The following LHFPL3 variants were observed in gnomAD, a reference collection of about 807,000 sequenced individuals.
LHFPL3 encodes LHFPL tetraspan subfamily member 3 protein.
LHFPL3 carries 5 observed loss-of-function variants against 19.3 expected under a neutral mutation model. That is an observed-to-expected ratio of 0.26 (90% CI 0.14 to 0.54). The LOEUF (loss-of-function observed/expected upper bound fraction) is 0.54, where lower values mean the gene tolerates loss of function less well. Ranked by LOEUF, LHFPL3 falls within the 20% of genes least tolerant of loss-of-function variation. The probability of loss-of-function intolerance (pLI) is 0.94; values close to 1 mark genes in which losing one functional copy is unlikely to be tolerated. For missense variants in LHFPL3, 249 were observed against 307.4 expected (o/e 0.81, Z 1.42); for synonymous variants, 133 against 126.2 (o/e 1.05, Z -0.36).
intron 1 of LHFPL3, among the ~76,000 whole-genome samples, chr7:104,591,559 A>C (rs1455710602): frequency 6.6e-6 from 1 of 151,984 alleles, no homozygotes; most frequent in African/African-American, 2.4e-5. Context: ...TTTTTCCTTC[A>C]TTTCAACTTT....
chr7:104,574,325 G>C (rs949765899), intron 1 of LHFPL3, among the ~76,000 whole-genome samples: 5 of 152,178 alleles, frequency 3.3e-5, no homozygotes, highest in African/African-American at 9.7e-5. Flanking sequence ...GAAGGGGGCA[G>C]GGACAGGGAC....
At chr7:104,520,826 A>G in intron 1 of LHFPL3, among the ~76,000 whole-genome samples, 1 of 143,248 alleles carries the variant, frequency 7.0e-6, no homozygotes, top group African/African-American at 2.6e-5. Context: ...CGTCTATTTG[A>G]TTCTTCTCTC....
intron 1 of LHFPL3, among the ~76,000 whole-genome samples, chr7:104,719,086 G>C (rs1386057528): frequency 1.3e-5 from 2 of 152,192 alleles, no homozygotes; most frequent in African/African-American, 4.8e-5. Flanking sequence ...AGCATGTTCA[G>C]TTGGTATTTA....
Position 104,539,091 on chromosome 7 carries a change from A to G in LHFPL3, c.446-197584A>G, listed in dbSNP as rs569409156. Among the ~76,000 whole-genome samples, 5 of 152,320 alleles carry G rather than the reference A, an allele frequency of 3.3e-5. No homozygotes were observed. The South Asian group carries it at 1.0e-3, about 32-fold the overall frequency. On this transcript the variant is annotated intron_variant, in intron 1 of 2. Coordinates refer to ENST00000424859, the MANE Select transcript of LHFPL3 (RefSeq NM_199000.3). ...TTTTCCCCTAGAGCCTCCAAAAAGT[A>G]ATACAACCCTGTCAACACCTTGATT...
At chr7:104,548,460 C>T (rs552877857) in intron 1 of LHFPL3, among the ~76,000 whole-genome samples, 2 of 152,134 alleles carry the variant, frequency 1.3e-5, no homozygotes, top group East Asian at 1.9e-4. Context: ...GTTTATTTGC[C>T]ATCAAGTTCC....
chr7:104,329,683 T>C (rs1801534278), intron 1 of LHFPL3, among the ~76,000 whole-genome samples: 1 of 152,102 alleles, frequency 6.6e-6, no homozygotes, highest in African/African-American at 2.4e-5. Flanking sequence ...GGACTATTTC[T>C]GTCATTGATC....
chr7:104,428,706 A>G (rs1224066969), intron 1 of LHFPL3, among the ~76,000 whole-genome samples: 2 of 152,156 alleles, frequency 1.3e-5, no homozygotes, highest in Admixed American at 6.5e-5. Flanking sequence ...AACTCTAGAA[A>G]CTATTTTACT....
intron 1 of LHFPL3, among the ~76,000 whole-genome samples, chr7:104,428,779 A>G (rs996202691): frequency 5.3e-5 from 8 of 152,200 alleles, no homozygotes; most frequent in Non-Finnish European, 1.2e-4. Context: ...ATATGTTTCT[A>G]CATCCAAAAA....
chr7:104,701,807 G>C (rs575885143), intron 1 of LHFPL3, among the ~76,000 whole-genome samples: 1 of 152,036 alleles, frequency 6.6e-6, no homozygotes, highest in Non-Finnish European at 1.5e-5. Flanking sequence ...CGAAAAATTT[G>C]CATCTTTTAG....
chr7:104,494,343 A>G (rs899092936), intron 1 of LHFPL3, among the ~76,000 whole-genome samples: 1 of 152,174 alleles, frequency 6.6e-6, no homozygotes, highest in African/African-American at 2.4e-5. Context: ...TATTCCACAG[A>G]TATGAATTCT....
chr7:104,754,259 T>C (rs1794239294), intron 2 of LHFPL3, among the ~76,000 whole-genome samples: 1 of 152,174 alleles, frequency 6.6e-6, no homozygotes, highest in African/African-American at 2.4e-5. Context: ...TAAGAAATAA[T>C]TATCACTTAG....
At chr7:104,330,533 G>A (rs1005238891) in intron 1 of LHFPL3, among the ~76,000 whole-genome samples, 2 of 152,054 alleles carry the variant, frequency 1.3e-5, no homozygotes, top group African/African-American at 4.8e-5. Context: ...GTTTGATAAG[G>A]AAAGAGAAGC....
intron 1 of LHFPL3, among the ~76,000 whole-genome samples, chr7:104,384,508 C>A (rs377426956): frequency 6.6e-6 from 1 of 151,938 alleles, no homozygotes; most frequent in African/African-American, 2.4e-5. Flanking sequence ...ATGTATAGGC[C>A]GGGCATGGTG....
chr7:104,769,056 CA>C (rs1240867635), intron 2 of LHFPL3: 1 of 152,344 alleles, frequency 6.6e-6, no homozygotes, highest in East Asian at 1.9e-4. Flanking sequence ...GCTATCATTT[CA>C]AACATCTCAG....
At chr7:104,652,931 C>T (rs1792057804) in intron 1 of LHFPL3, among the ~76,000 whole-genome samples, 1 of 151,960 alleles carries the variant, frequency 6.6e-6, no homozygotes, top group African/African-American at 2.4e-5. Context: ...GGGAGGGAGG[C>T]TATTCATTGT....
At chr7:104,874,293 T>A (rs1485781644) in intron 2 of LHFPL3, among the ~76,000 whole-genome samples, 1 of 152,204 alleles carries the variant, frequency 6.6e-6, no homozygotes, top group African/African-American at 2.4e-5. Flanking sequence ...ATCTAATTTA[T>A]TTGCTTTAAT....
At chr7:104,830,016 C>A (rs201895323) in intron 2 of LHFPL3, among the ~76,000 whole-genome samples, 21 of 151,910 alleles carry the variant, frequency 1.4e-4, no homozygotes, top group South Asian at 1.0e-3. Context: ...TTTTAATGAT[C>A]GCCATTCTAA....
intron 1 of LHFPL3, among the ~76,000 whole-genome samples, chr7:104,515,469 A>C (rs982893183): frequency 1.3e-5 from 2 of 152,174 alleles, no homozygotes; most frequent in Admixed American, 1.3e-4. Context: ...ACAAGATGCA[A>C]ATAAGGAGAG....
At chr7:104,589,766 A>G (rs1790667300) in intron 1 of LHFPL3, among the ~76,000 whole-genome samples, 1 of 152,132 alleles carries the variant, frequency 6.6e-6, no homozygotes. Context: ...TTAGTAGGCT[A>G]TTAATTATTG....
Sources: allele counts gnomAD v4.1 joint callset (sites outside exome capture counted in the v4.1 genomes callset), GRCh38; gene constraint gnomAD v4.1.1; transcripts MANE v1.5; gene names NCBI Gene and HGNC (gene_info 2026-07-23, HGNC 2026-07-21).